Variants in TMC1 observed in about 807,000 individuals in gnomAD.
The protein encoded by TMC1 is transmembrane channel like 1, also known as transmembrane channel-like protein 1.
Under a neutral mutation model 105.8 loss-of-function variants are expected in TMC1, and 84 were observed. The ratio of observed to expected loss-of-function variants is 0.79; its 90% confidence interval spans 0.67 to 0.95. The LOEUF is 0.95. Ranked by LOEUF, TMC1 falls within the 40% of genes least tolerant of loss-of-function variation. The pLI, the probability that TMC1 is intolerant of heterozygous loss-of-function variation, is 0.00. For missense variants in TMC1, 817 were observed against 914.1 expected, an observed-to-expected ratio of 0.89 and a Z score of 1.37; for synonymous variants, 315 against 311.5, an observed-to-expected ratio of 1.01 and a Z score of -0.12.
At chr9:72,592,910 G>C (rs1824661036) in intron 2 of TMC1, among the ~76,000 whole-genome samples, 1 of 152,150 alleles carries the variant, frequency 6.6e-6, no homozygotes. Context: ...CTAGGACAGT[G>C]GGTGTGTGAA....
intron 21 of TMC1, among the ~76,000 whole-genome samples, chr9:72,829,089 C>T (rs1245039041): frequency 3.9e-5 from 6 of 152,140 alleles, no homozygotes. Context: ...GATTGTGGCT[C>T]TGAGGTTCTG....
chr9:72,700,412 G>A (rs1826623174), intron 7 of TMC1, 106 bp from the exon 8 acceptor site: 1 of 909,876 alleles, frequency 1.1e-6, no homozygotes, highest in Non-Finnish European at 1.6e-6. Context: ...ACTGCATATG[G>A]TTACATTTAA....
intron 5 of TMC1, among the ~76,000 whole-genome samples, chr9:72,679,248 C>T (rs1051933440): frequency 1.3e-5 from 2 of 152,038 alleles, no homozygotes; most frequent in African/African-American, 4.8e-5. Flanking sequence ...CTGAGTTCAG[C>T]ATAAGTTATT....
At chr9:72,762,492 A>G (rs1443490430) in intron 12 of TMC1, among the ~76,000 whole-genome samples, 1 of 152,174 alleles carries the variant, frequency 6.6e-6, no homozygotes, top group African/African-American at 2.4e-5. Flanking sequence ...TGCAGCCAGA[A>G]TGACCTGTTT....
chr9:72,596,889 T>A (rs1048796143), intron 2 of TMC1, among the ~76,000 whole-genome samples: 3 of 152,212 alleles, frequency 2.0e-5, no homozygotes, highest in African/African-American at 7.2e-5. Flanking sequence ...TGAAAAGAGC[T>A]TATGAGATAC....
intron 5 of TMC1, chr9:72,656,225 C>T (rs1312265713): frequency 2.0e-6 from 1 of 488,958 alleles, no homozygotes; most frequent in East Asian, 4.8e-5. Context: ...CTACTTGTTC[C>T]GGCAAGAGTG....
chr9:72,669,153 A>G (rs1017735816), intron 5 of TMC1, among the ~76,000 whole-genome samples: 1 of 152,114 alleles, frequency 6.6e-6, no homozygotes. Context: ...TAAAAATACA[A>G]AAATTAGCTG....
intron 8 of TMC1, among the ~76,000 whole-genome samples, chr9:72,724,840 A>G (rs1827087490): frequency 6.6e-6 from 1 of 152,194 alleles, no homozygotes; most frequent in Non-Finnish European, 1.5e-5. Context: ...TGATTTTCAC[A>G]ACTTTTATTA....
At chr9:72,807,451 G>T (rs972667831) in intron 18 of TMC1, among the ~76,000 whole-genome samples, 2 of 152,174 alleles carry the variant, frequency 1.3e-5, no homozygotes, top group African/African-American at 4.8e-5. Context: ...GAGTATCATG[G>T]TTTACAATAT....
In TMC1 at chr9:72,688,704, A is replaced by G. The variant is rs756106519; in HGVS notation, c.17-5A>G. On this transcript the variant is annotated splice_polypyrimidine_tract_variant and splice_region_variant and intron_variant, in intron 5 of 23. Coordinates refer to ENST00000297784, the MANE Select transcript of TMC1 (RefSeq NM_138691.3). ...AATTGCTGTACTGTTTTCTTTCCTC[A>G]ACAGTACAAATCAAAGTGGAGGAAA... 6.2e-7 allele frequency: 1 copy of G among 1,610,478 alleles called. No homozygotes were observed. Among genetic ancestry groups the G allele is most frequent in the Non-Finnish European group, 8.5e-7 (1 of 1,177,560 alleles).
intron 5 of TMC1, among the ~76,000 whole-genome samples, chr9:72,673,770 TG>T (rs1176548096): frequency 2.0e-5 from 3 of 152,208 alleles, no homozygotes; most frequent in African/African-American, 7.2e-5. Context: ...GAAATTAAGT[TG>T]ATAGTTAAAA....
chr9:72,552,215 C>A (rs1050789309), intron 1 of TMC1, among the ~76,000 whole-genome samples: 13 of 152,090 alleles, frequency 8.5e-5, no homozygotes, highest in African/African-American at 3.1e-4. Context: ...GTGATCTTGG[C>A]CTATTTACTT....
chr9:72,700,207 C>T (rs1826619123), intron 7 of TMC1, among the ~76,000 whole-genome samples: 1 of 148,652 alleles, frequency 6.7e-6, no homozygotes, highest in African/African-American at 2.5e-5. Flanking sequence ...GCCAAGATCG[C>T]ACCATTGCAC....
intron 1 of TMC1, among the ~76,000 whole-genome samples, chr9:72,550,657 CAAAAA>C (rs71493659): frequency 1.6e-5 from 1 of 61,824 alleles, no homozygotes; most frequent in Non-Finnish European, 3.0e-5. Flanking sequence ...GACTCCATCT[CAAAAA>C]AAAAAAAAAA....
chr9:72,609,411 G>A (rs556597491), intron 2 of TMC1, among the ~76,000 whole-genome samples: 21 of 151,778 alleles, frequency 1.4e-4, no homozygotes, highest in Non-Finnish European at 2.4e-4. Context: ...TGGTGGCACC[G>A]CACCTGTAGT....
intron 5 of TMC1, among the ~76,000 whole-genome samples, chr9:72,686,003 TATGCCTCTGAA>T (rs1826374632): frequency 6.6e-6 from 1 of 152,246 alleles, no homozygotes; most frequent in Non-Finnish European, 1.5e-5. Context: ...GAACGACTCC[TATGCCTCTGAA>T]ATGTGACATT....
chr9:72,809,667 G>T (rs1001899028), intron 18 of TMC1, among the ~76,000 whole-genome samples: 6 of 152,198 alleles, frequency 3.9e-5, no homozygotes, highest in African/African-American at 1.4e-4. Flanking sequence ...CCCAGTGGTG[G>T]TGTTTGTTTT....
At chr9:72,816,238 C>T (rs1828786327) in intron 19 of TMC1, 28 bp downstream of exon 19, 4 of 1,605,764 alleles carry the variant, frequency 2.5e-6, no homozygotes, top group African/African-American at 1.3e-5. Flanking sequence ...CAGCTTATCA[C>T]TTACAGAAAA....
At chr9:72,655,199 G>A (rs1825865806) in intron 5 of TMC1, among the ~76,000 whole-genome samples, 1 of 152,130 alleles carries the variant, frequency 6.6e-6, no homozygotes, top group Admixed American at 6.5e-5. Context: ...GCAGGTGCCT[G>A]TTTCCCCTTC....
Sources: gnomAD v4.1 joint callset for allele counts (sites outside exome capture counted in the v4.1 genomes callset) on GRCh38, gnomAD v4.1.1 for gene constraint, MANE v1.5 for transcripts, NCBI Gene and HGNC (gene_info 2026-07-23, HGNC 2026-07-21) for gene names.